CCDC152: variants seen among roughly 807,000 people sequenced by gnomAD.
CCDC152 encodes the protein coiled-coil domain-containing protein 152.
In CCDC152, 37 loss-of-function variants were observed where a neutral mutation model predicts 38.1. That is an observed-to-expected ratio of 0.97 (90% CI 0.75 to 1.28). The LOEUF is 1.28. Ranked by LOEUF, CCDC152 falls within the 50% of genes most tolerant of loss-of-function variation. The pLI is 0.00. For synonymous variants in CCDC152, 83 were observed against 87.1 expected, an observed-to-expected ratio of 0.95 and a Z score of 0.26; for missense variants, 259 against 292.1, an observed-to-expected ratio of 0.89 and a Z score of 0.83.
At position 42,769,647 on chromosome 5, in the gene CCDC152, T is replaced by TATCA. The variant is rs1323816330; in HGVS notation, c.246_249dup (p.Gln84SerfsTer7). On this transcript the variant is annotated frameshift_variant, in exon 4 of 9. Coordinates refer to ENST00000361970, the MANE Select transcript of CCDC152 (RefSeq NM_001134848.2). LOFTEE classifies it high-confidence loss of function. ...AAAAGGGCTACAACAGACCATTGAATATCAACAGAATTTGAAAGGTAAGTT... is the reference window on the plus strand; with the variant it reads ...AAAAGGGCTACAACAGACCATTGAATATCAATCAACAGAATTTGAAAGGTAAGTT... The TATCA allele has an allele frequency of 6.7e-7, 1 of 1,486,540 alleles. No homozygotes were observed. Among genetic ancestry groups the TATCA allele is most frequent in the Non-Finnish European group, 9.0e-7 (1 of 1,115,444 alleles). The allele number at this position is 1,486,540 out of a possible 1,614,324, so 92.1% of individuals were successfully genotyped here.
In CCDC152 at chr5:42,800,070, C is replaced by A. The variant is rs1480294330; in HGVS notation, c.*289C>A. 3.7e-6 allele frequency: 1 copy of A among 271,926 alleles called. No homozygotes were observed. Among genetic ancestry groups the A allele is most frequent in the Non-Finnish European group, 6.8e-6 (1 of 146,576 alleles). The allele number at this position is 271,926 out of a possible 1,614,324, so 16.8% of individuals were successfully genotyped here. A position where few individuals can be genotyped will look rare whatever the true frequency, so the allele number is the denominator to read the frequency against. ...AGAGACAGACAATATTATCTTTCCC[C>A]TTATATCTTTTAAGACAGCCACTCA... On this transcript the variant is annotated 3_prime_UTR_variant, in exon 9 of 9. Transcript: ENST00000361970.
chr5:42,793,307 C>T (rs1760029621), intron 6 of CCDC152, among the ~76,000 whole-genome samples: 1 of 152,100 alleles, frequency 6.6e-6, no homozygotes, highest in South Asian at 2.1e-4. Context: ...TATAAAGGGG[C>T]ACAAGGGCTC....
intron 4 of CCDC152, among the ~76,000 whole-genome samples, chr5:42,774,802 C>T (rs1759750124): frequency 6.6e-6 from 1 of 151,936 alleles, no homozygotes; most frequent in African/African-American, 2.4e-5. Context: ...GCATCAAAAC[C>T]AGACACAGAA....
intron 4 of CCDC152, among the ~76,000 whole-genome samples, chr5:42,776,383 A>G (rs769460601): frequency 6.6e-6 from 1 of 152,332 alleles, no homozygotes; most frequent in East Asian, 1.9e-4. Context: ...TAATTCTCCA[A>G]GAAGACATAA....
intron 5 of CCDC152, among the ~76,000 whole-genome samples, chr5:42,781,447 G>A (rs1466065646): frequency 6.6e-6 from 1 of 151,994 alleles, no homozygotes; most frequent in Admixed American, 6.6e-5. Context: ...TTAATTGTGG[G>A]CATAGAAGCC....
intron 6 of CCDC152, among the ~76,000 whole-genome samples, chr5:42,791,223 A>G (rs1303879960): frequency 1.3e-5 from 2 of 152,190 alleles, no homozygotes; most frequent in African/African-American, 2.4e-5. Context: ...AGAATTGGCT[A>G]TCCATCTATT....
At chr5:42,767,609 A>G (rs1759642247) in intron 3 of CCDC152, among the ~76,000 whole-genome samples, 2 of 152,256 alleles carry the variant, frequency 1.3e-5, no homozygotes, top group African/African-American at 4.8e-5. Flanking sequence ...TGCAAAGAGA[A>G]TTAAAAGCCA....
At chr5:42,793,349 C>T (rs1386094096) in intron 6 of CCDC152, among the ~76,000 whole-genome samples, 2 of 152,170 alleles carry the variant, frequency 1.3e-5, no homozygotes, top group East Asian at 1.9e-4. Context: ...TTTACCTGAT[C>T]GTGGTGATGG....
In CCDC152 at chr5:42,783,590, A is replaced by G; in HGVS notation, c.430+14A>G. On this transcript the variant is annotated intron_variant, in intron 6 of 8. Coordinates refer to ENST00000361970, the MANE Select transcript of CCDC152 (RefSeq NM_001134848.2). ...TGCAGAGAAAAGGTAAGTTTAAAAT[A>G]AACTTGCTTTTTTGTTATTGATTCA... 7.7e-7 allele frequency: 1 copy of G among 1,298,294 alleles called. No individual in the cohort carries two copies. Among genetic ancestry groups the G allele is most frequent in the Non-Finnish European group, 1.0e-6 (1 of 1,000,434 alleles). The allele number at this position is 1,298,294 out of a possible 1,614,324, so 80.4% of individuals were successfully genotyped here. A position where few individuals can be genotyped will look rare whatever the true frequency, so the allele number is the denominator to read the frequency against.
intron 3 of CCDC152, among the ~76,000 whole-genome samples, chr5:42,763,274 A>C (rs56394865): frequency 0.22 from 32,902 of 152,214 alleles, 4,509 homozygotes; most frequent in Admixed American, 0.35. Context: ...AGCTAGCCCA[A>C]AGTATAAAAT....
intron 7 of CCDC152, 117 bp from the exon 8 acceptor site, chr5:42,799,258 T>G (rs1760125661): frequency 3.5e-6 from 2 of 570,620 alleles, no homozygotes; most frequent in South Asian, 5.7e-5. Context: ...TTGTCTATAC[T>G]GTAATTTACA....
rs188247878 is a variant in CCDC152 at position 42,774,608 on chromosome 5, G to A, written c.263-4850G>A. Among the ~76,000 whole-genome samples the A allele has an allele frequency of 3.9e-5, 6 of 152,220 alleles. No homozygotes were observed. The East Asian group carries it at 1.2e-3, about 29-fold the overall frequency. ...AGGGGAGAGGGACTAAGAAGCATGTGGGTAACTCACAGTCCAAAGACACAG... is the reference window on the plus strand; with the variant it reads ...AGGGGAGAGGGACTAAGAAGCATGTAGGTAACTCACAGTCCAAAGACACAG... On this transcript the variant is annotated intron_variant, in intron 4 of 8. Transcript: ENST00000361970.
intron 4 of CCDC152, among the ~76,000 whole-genome samples, chr5:42,776,976 A>G (rs911360299): frequency 6.6e-6 from 1 of 152,088 alleles, no homozygotes; most frequent in Non-Finnish European, 1.5e-5. Flanking sequence ...ACTAAAATTA[A>G]TTTAAGCTTC....
chr5:42,793,605 G>T (rs575069894), intron 6 of CCDC152, among the ~76,000 whole-genome samples: 1 of 152,146 alleles, frequency 6.6e-6, no homozygotes, highest in African/African-American at 2.4e-5. Context: ...AGAACTTGGG[G>T]AATTTTCTTT....
intron 7 of CCDC152, among the ~76,000 whole-genome samples, chr5:42,799,025 G>C (rs1051730408): frequency 6.6e-6 from 1 of 151,930 alleles, no homozygotes. Flanking sequence ...AGTTAAACTA[G>C]ATTCTAAACC....
intron 6 of CCDC152, among the ~76,000 whole-genome samples, chr5:42,794,805 C>T (rs980633365): frequency 1.3e-5 from 2 of 152,098 alleles, no homozygotes; most frequent in Non-Finnish European, 2.9e-5. Context: ...AGGTTTGTAT[C>T]ATGTCCATAA....
intron 6 of CCDC152, among the ~76,000 whole-genome samples, chr5:42,789,444 T>C (rs1004236014): frequency 9.2e-5 from 14 of 152,130 alleles, no homozygotes; most frequent in Admixed American, 6.5e-5. Flanking sequence ...GTAATCCACC[T>C]GCCTTGGCCT....
Position 42,764,145 on chromosome 5 carries a change from C to T in CCDC152, c.193+1597C>T, listed in dbSNP as rs1759594134. On this transcript the variant is annotated intron_variant, in intron 3 of 8. Coordinates refer to ENST00000361970, the MANE Select transcript of CCDC152 (RefSeq NM_001134848.2). ...ACTAAATTTCGACCAGGCATGGTGG[C>T]TCACACCTGTAATCCCAGCACTTTT... is the stretch of plus-strand genomic sequence containing the variant. Among the ~76,000 whole-genome samples, 4 of 152,284 alleles carry T rather than the reference C, an allele frequency of 2.6e-5. No homozygotes were observed. In the South Asian group the frequency reaches 8.3e-4, roughly 32 times the overall value.
chr5:42,779,376 T>C, intron 4 of CCDC152, 82 bp from the exon 5 acceptor site: 3 of 828,792 alleles, frequency 3.6e-6, no homozygotes, highest in Admixed American at 2.3e-5. Flanking sequence ...GCATACATAA[T>C]GGAAGCTAAA....
Sources: gnomAD v4.1 joint callset for allele counts (sites outside exome capture counted in the v4.1 genomes callset) on GRCh38, gnomAD v4.1.1 for gene constraint, MANE v1.5 for transcripts, NCBI Gene and HGNC (gene_info 2026-07-23, HGNC 2026-07-21) for gene names.